PADI2: variants seen among roughly 807,000 people sequenced by gnomAD.
PADI2 encodes the protein protein-arginine deiminase type-2.
PADI2 carries 70 observed loss-of-function variants against 81.1 expected under a neutral mutation model. The observed-to-expected ratio is 0.86, with a 90% CI of 0.71 to 1.05. The LOEUF is 1.05. Among genes scored for constraint, PADI2 ranks in the 50% least tolerant of loss-of-function variants. The pLI is 0.00. For missense variants in PADI2, 853 were observed against 889.9 expected (o/e 0.96, Z 0.53); for synonymous variants, 338 against 358.0 (o/e 0.94, Z 0.63).
intron 7 of PADI2, 45 bp downstream of exon 7, chr1:17,086,476 G>A (rs2101587214): frequency 2.6e-6 from 4 of 1,532,084 alleles, no homozygotes; most frequent in Non-Finnish European, 3.5e-6. Context: ...GACCCACCCT[G>A]GCCCCTGGGG....
chr1:17,110,274 A>G, intron 1 of PADI2, among the ~76,000 whole-genome samples: 1 of 152,068 alleles, frequency 6.6e-6, no homozygotes, highest in East Asian at 1.9e-4. Flanking sequence ...GGGGGTGGTT[A>G]TGACCTTCTT....
chr1:17,081,990 G>T (rs2078348172), intron 10 of PADI2, among the ~76,000 whole-genome samples: 1 of 152,170 alleles, frequency 6.6e-6, no homozygotes, highest in Non-Finnish European at 1.5e-5. Flanking sequence ...GTGCATGCCT[G>T]TAATCCCAGC....
In PADI2 at chr1:17,119,376, C is replaced by T. The variant is rs757230604; in HGVS notation, c.-5G>A. 2 of 1,528,022 alleles carry T rather than the reference C, an allele frequency of 1.3e-6. No individual in the cohort carries two copies. The highest frequency in any genetic ancestry group is 1.2e-5 in the South Asian group (1 of 81,672). 94.7% of individuals were successfully genotyped at this position (1,528,022 alleles called of 1,614,324 possible). A position where few individuals can be genotyped will look rare whatever the true frequency, so the allele number is the denominator to read the frequency against. On this transcript the variant is annotated 5_prime_UTR_variant, in exon 1 of 16. Coordinates refer to ENST00000375486, the MANE Select transcript of PADI2 (RefSeq NM_007365.3). This position sits in a 1 kb window ranked among gnomAD's most constrained non-coding sequence, Gnocchi z 4.8. ...CACGGTCCGCTCGCGCAGCATCCTC[C>T]CCGCCGCAGTGCCCGCGCTCGCTGG...
intron 13 of PADI2, among the ~76,000 whole-genome samples, chr1:17,072,090 C>T (rs1031358846): frequency 2.0e-5 from 3 of 152,196 alleles, no homozygotes; most frequent in African/African-American, 7.2e-5. Context: ...AGTCACTACC[C>T]TGAAAAATGA....
intron 10 of PADI2, among the ~76,000 whole-genome samples, chr1:17,080,091 C>A (rs369341503): frequency 2.0e-5 from 3 of 151,908 alleles, no homozygotes; most frequent in Non-Finnish European, 2.9e-5. Flanking sequence ...GCGCCCAGCC[C>A]GTTTCCCCAT....
chr1:17,088,417 C>A (rs1930544943), intron 6 of PADI2, among the ~76,000 whole-genome samples: 1 of 152,172 alleles, frequency 6.6e-6, no homozygotes, highest in African/African-American at 2.4e-5. Flanking sequence ...TAGCCTGGCA[C>A]AAACTAGGTG....
chr1:17,112,902 T>C (rs1931633792), intron 1 of PADI2, among the ~76,000 whole-genome samples: 1 of 152,228 alleles, frequency 6.6e-6, no homozygotes, highest in Admixed American at 6.5e-5. Context: ...CCTCCAGCCT[T>C]ATACTCCAGG....
chr1:17,101,602 CA>C (rs1342314248), intron 3 of PADI2, among the ~76,000 whole-genome samples: 1 of 152,128 alleles, frequency 6.6e-6, no homozygotes, highest in Non-Finnish European at 1.5e-5. Context: ...GAAAGAGGGA[CA>C]GGGGGACCAG....
intron 6 of PADI2, among the ~76,000 whole-genome samples, chr1:17,091,008 C>A (rs147635804): frequency 1.1e-4 from 16 of 152,104 alleles, no homozygotes; most frequent in Middle Eastern, 3.4e-3. Flanking sequence ...CCATGACAAC[C>A]CTGGCCTGGA....
intron 4 of PADI2, among the ~76,000 whole-genome samples, chr1:17,094,363 C>A (rs1411517275): frequency 6.6e-6 from 1 of 152,198 alleles, no homozygotes; most frequent in Non-Finnish European, 1.5e-5. Context: ...GCTCCCAGGC[C>A]TTTGCCTATG....
intron 7 of PADI2, among the ~76,000 whole-genome samples, chr1:17,085,120 C>G (rs983071823): frequency 6.6e-6 from 1 of 152,264 alleles, no homozygotes; most frequent in African/African-American, 2.4e-5. Context: ...GCCAGCCCCC[C>G]ACCTTCCTCT....
rs529788776 is a variant in PADI2, at chr1:17,114,703, C to T, written c.92+4577G>A. 4.6e-5 allele frequency among the ~76,000 whole-genome samples: 7 copies of T among 151,940 alleles called. No individual in the cohort carries two copies. The East Asian group carries it at 7.7e-4, about 17-fold the overall frequency. Reference sequence around the variant, plus strand: ...TCTCGGGACTCAGGGTAGGGCACCACGACATGGGGTAGTCAAAGAAAGCTT... The same window carrying T: ...TCTCGGGACTCAGGGTAGGGCACCATGACATGGGGTAGTCAAAGAAAGCTT... On this transcript the variant is annotated intron_variant, in intron 1 of 15. Transcript: ENST00000375486.
chr1:17,103,532 A>G (rs1339316327), intron 2 of PADI2, among the ~76,000 whole-genome samples: 1 of 152,136 alleles, frequency 6.6e-6, no homozygotes, highest in Non-Finnish European at 1.5e-5. Context: ...TCAGCACCCC[A>G]TTTTACAGAT....
chr1:17,104,133 A>C (rs1199581736), intron 2 of PADI2, among the ~76,000 whole-genome samples: 1 of 151,456 alleles, frequency 6.6e-6, no homozygotes, highest in East Asian at 2.0e-4. Flanking sequence ...ATACAAAAAA[A>C]AAAAAAAATT....
rs749975419 is a variant in PADI2, at chr1:17,074,936, AG to A, written c.1468del (p.Leu490SerfsTer32). ...GTAGCAGGCCGAGGTGCTGGCCATG[AG>A]TAGCAGGAATTTCTGCAAGAGACAG... ...PIPGTKKFLLLMASTSACYKL... is the reference protein window; with the variant it reads ...PIPGTKKFLLXMASTSACYKL... On this transcript the variant is annotated frameshift_variant, in exon 13 of 16. Coordinates refer to ENST00000375486, the MANE Select transcript of PADI2 (RefSeq NM_007365.3). LOFTEE classifies it high-confidence loss of function. 1.9e-6 allele frequency: 3 copies of A among 1,611,902 alleles called. No individual in the cohort carries two copies. In the African/African-American group the frequency reaches 4.0e-5, roughly 22 times the overall value.
chr1:17,089,611 C>T (rs2235923), intron 6 of PADI2, among the ~76,000 whole-genome samples: 142,259 of 152,152 alleles, frequency 0.93, 66,564 homozygotes, highest in South Asian at 0.99. Context: ...ATTCACAATG[C>T]ACCTCTATTC....
intron 1 of PADI2, among the ~76,000 whole-genome samples, chr1:17,114,388 C>T (rs1303824022): frequency 2.0e-5 from 3 of 152,186 alleles, no homozygotes; most frequent in Admixed American, 6.5e-5. Context: ...AGGAGGGCAG[C>T]CTGGCAGAGC....
intron 6 of PADI2, among the ~76,000 whole-genome samples, chr1:17,086,996 A>C (rs1403810730): frequency 2.0e-5 from 3 of 152,200 alleles, no homozygotes. Context: ...CCAGCTGAGC[A>C]GTTAGTGGTT....
intron 3 of PADI2, among the ~76,000 whole-genome samples, chr1:17,098,665 C>G (rs1406974138): frequency 6.6e-6 from 1 of 152,198 alleles, no homozygotes; most frequent in African/African-American, 2.4e-5. Context: ...GCTCCCTTAT[C>G]GTCCTCCCAG....
Sources: allele counts gnomAD v4.1 joint callset (sites outside exome capture counted in the v4.1 genomes callset), GRCh38; gene constraint gnomAD v4.1.1; non-coding constraint Gnocchi (gnomAD v3.1); transcripts MANE v1.5; gene names NCBI Gene and HGNC (gene_info 2026-07-23, HGNC 2026-07-21).